OSBPL1A: variants seen among roughly 807,000 people sequenced by gnomAD.
The protein encoded by OSBPL1A is oxysterol binding protein like 1A.
OSBPL1A carries 80 observed loss-of-function variants against 137.1 expected under a neutral mutation model. That is an observed-to-expected ratio of 0.58 (90% CI 0.49 to 0.70). The LOEUF (loss-of-function observed/expected upper bound fraction) is 0.70. OSBPL1A is among the 30% of genes least tolerant of loss of function. The pLI, the probability that OSBPL1A is intolerant of heterozygous loss-of-function variation, is 0.00. For synonymous variants in OSBPL1A, 365 were observed against 389.7 expected (o/e 0.94, Z 0.75); for missense variants, 970 against 1,129.4 (o/e 0.86, Z 2.02).
At position 24,327,396 on chromosome 18, in the gene OSBPL1A, C is replaced by G. The variant is rs1005341628; in HGVS notation, c.625+5546G>C. Reference sequence around the variant, plus strand: ...TACAGGAGTGAGCCACCGCACCCAGCCTTTGATTGATTGATTGATTTTTTA... The same window carrying G: ...TACAGGAGTGAGCCACCGCACCCAGGCTTTGATTGATTGATTGATTTTTTA... On this transcript the variant is annotated intron_variant, in intron 7 of 27. Transcript: ENST00000319481. 3.9e-5 allele frequency among the ~76,000 whole-genome samples: 6 copies of G among 151,982 alleles called. No individual in the cohort carries two copies. The East Asian group carries it at 1.2e-3, about 29-fold the overall frequency.
intron 15 of OSBPL1A, among the ~76,000 whole-genome samples, chr18:24,251,433 G>T (rs1378537521): frequency 1.3e-5 from 2 of 152,196 alleles, no homozygotes; most frequent in Admixed American, 1.3e-4. Context: ...TTGTTTGGGA[G>T]AAAATAAGGA....
At chr18:24,179,373 T>A in intron 20 of OSBPL1A, 1 of 203,772 alleles carries the variant, frequency 4.9e-6, no homozygotes, top group Middle Eastern at 2.1e-3. Flanking sequence ...CACACCAACA[T>A]GGCACATGTA....
chr18:24,301,999 C>T (rs1020465626), intron 14 of OSBPL1A, among the ~76,000 whole-genome samples: 2 of 152,172 alleles, frequency 1.3e-5, no homozygotes, highest in Admixed American at 6.5e-5. Flanking sequence ...GAGGCCAACG[C>T]GGGTGGATCA....
At chr18:24,272,255 CTT>C (rs1213099871) in intron 15 of OSBPL1A, 2,830 of 900,946 alleles carry the variant, frequency 3.1e-3, no homozygotes, top group Non-Finnish European at 3.3e-3. Flanking sequence ...TTTCTTTTTT[CTT>C]TTTTTTTTTT....
intron 15 of OSBPL1A, among the ~76,000 whole-genome samples, chr18:24,253,264 C>CA (rs2089166556): frequency 6.8e-6 from 1 of 146,716 alleles, no homozygotes; most frequent in African/African-American, 2.5e-5. Context: ...AGAGTGAAAA[C>CA]GAAGGGATAG....
In OSBPL1A at chr18:24,200,970, T is replaced by C. The variant is rs115861538; in HGVS notation, c.1602-4770A>G. Among the ~76,000 whole-genome samples, 367 of 152,146 alleles carry C rather than the reference T, an allele frequency of 2.4e-3. 3 individuals are homozygous for C. The highest frequency in any genetic ancestry group is 8.6e-3 in the African/African-American group (358 of 41,516). On this transcript the variant is annotated intron_variant, in intron 17 of 27. Coordinates refer to ENST00000319481, the MANE Select transcript of OSBPL1A (RefSeq NM_080597.4). ...AAAAAAAGAAGAGAGAATTCCCGAA[T>C]GGTGTTGGATGGCAGTGTTACTCCA...
chr18:24,235,519 T>C (rs2088441581), intron 16 of OSBPL1A, among the ~76,000 whole-genome samples: 2 of 152,162 alleles, frequency 1.3e-5, no homozygotes, highest in South Asian at 2.1e-4. Context: ...AAGATATGAT[T>C]TGAAGGCAGA....
rs567667963 is a variant in OSBPL1A at position 24,209,284 on chromosome 18, G to A, written c.1602-13084C>T. On this transcript the variant is annotated intron_variant, in intron 17 of 27. Coordinates refer to ENST00000319481, the MANE Select transcript of OSBPL1A (RefSeq NM_080597.4). ...TAAAATGGGCAAAACTCCCAGACAC[G>A]TCACAAAAACAATGGCTAAGGAAAA... Among the ~76,000 whole-genome samples the A allele has an allele frequency of 3.6e-4, 55 of 152,192 alleles. 3 individuals carry two copies. The South Asian group carries it at 0.011, about 31-fold the overall frequency.
intron 17 of OSBPL1A, among the ~76,000 whole-genome samples, chr18:24,196,986 C>T (rs1328342155): frequency 6.6e-6 from 1 of 152,200 alleles, no homozygotes; most frequent in Non-Finnish European, 1.5e-5. Context: ...AGAATGGCAG[C>T]ACCATCAGGA....
chr18:24,251,091 A>C (rs1373081374), intron 15 of OSBPL1A, among the ~76,000 whole-genome samples: 2 of 152,188 alleles, frequency 1.3e-5, no homozygotes, highest in African/African-American at 4.8e-5. Flanking sequence ...TAGCCACAGT[A>C]GAATAGGACA....
chr18:24,187,045 A>C (rs535630120), intron 18 of OSBPL1A, among the ~76,000 whole-genome samples: 1 of 152,312 alleles, frequency 6.6e-6, no homozygotes, highest in East Asian at 1.9e-4. Flanking sequence ...ATGGATAAGG[A>C]AAAATTGGCG....
chr18:24,376,725 G>A (rs1402831007), intron 2 of OSBPL1A, among the ~76,000 whole-genome samples: 5 of 152,248 alleles, frequency 3.3e-5, no homozygotes, highest in African/African-American at 9.6e-5. Context: ...GCCCTGCCCC[G>A]CAGGAAGGCA....
intron 13 of OSBPL1A, among the ~76,000 whole-genome samples, 154 bp downstream of exon 13, chr18:24,311,830 G>C (rs1164093660): frequency 6.6e-6 from 1 of 152,204 alleles, no homozygotes; most frequent in African/African-American, 2.4e-5. Flanking sequence ...AGAGACATAA[G>C]CTACCAACAC....
At chr18:24,351,347 CAAAA>C (rs1172514692) in intron 4 of OSBPL1A, among the ~76,000 whole-genome samples, 7 of 35,770 alleles carry the variant, frequency 2.0e-4, no homozygotes, top group African/African-American at 4.1e-4. Context: ...GACTCTGTCT[CAAAA>C]AAAAAAAAAA....
At chr18:24,331,335 G>A (rs1351333253) in intron 7 of OSBPL1A, among the ~76,000 whole-genome samples, 1 of 152,124 alleles carries the variant, frequency 6.6e-6, no homozygotes, top group Non-Finnish European at 1.5e-5. Context: ...AACCCAGGCT[G>A]GTAGCAGGCA....
intron 1 of OSBPL1A, among the ~76,000 whole-genome samples, chr18:24,383,156 T>A (rs1193586508): frequency 1.3e-5 from 2 of 152,170 alleles, no homozygotes; most frequent in Non-Finnish European, 2.9e-5. Context: ...TGTTAAGTTA[T>A]TAAAGATAAA....
intron 15 of OSBPL1A, among the ~76,000 whole-genome samples, chr18:24,274,930 G>A (rs2089811888): frequency 1.3e-5 from 2 of 151,414 alleles, no homozygotes; most frequent in Non-Finnish European, 2.9e-5. Flanking sequence ...AAAAAAAGAA[G>A]GTGACTGAGG....
Position 24,166,700 on chromosome 18 carries a change from C to T in OSBPL1A, c.2538G>A (p.Met846Ile). The T allele has an allele frequency of 6.2e-7, 1 of 1,604,752 alleles. No homozygotes were observed. Among genetic ancestry groups the T allele is most frequent in the Non-Finnish European group, 8.5e-7 (1 of 1,177,700 alleles). ...IAPRPPNSAQMYNFTSFAMVL... is the reference protein window; with the variant it reads ...IAPRPPNSAQIYNFTSFAMVL... ...CCATTGCAAAACTAGTAAAATTATA[C>T]ATCTGAAAAGAAGCAAAAGGAAGAA... is the stretch of plus-strand genomic sequence containing the variant. Residue 846 changes from methionine to isoleucine, a missense_variant and splice_region_variant, in exon 26 of 28, where the codon ATG (methionine) becomes ATA (isoleucine). By Grantham distance (10) the Met-to-Ile change is conservative. Coordinates refer to ENST00000319481, the MANE Select transcript of OSBPL1A (RefSeq NM_080597.4).
At chr18:24,317,437 C>G (rs557625297) in intron 9 of OSBPL1A, 37 bp from the exon 10 acceptor site, 2 of 1,487,272 alleles carry the variant, frequency 1.3e-6, no homozygotes, top group South Asian at 2.3e-5. Flanking sequence ...CAAGCTGACA[C>G]ATCTAGATTC....
Sources: gnomAD v4.1 joint callset for allele counts (sites outside exome capture counted in the v4.1 genomes callset) on GRCh38, gnomAD v4.1.1 for gene constraint, MANE v1.5 for transcripts, NCBI Gene and HGNC (gene_info 2026-07-23, HGNC 2026-07-21) for gene names.